The following GLI3 variants were observed in gnomAD, a reference collection of about 807,000 sequenced individuals.
The protein encoded by GLI3 is GLI family zinc finger 3.
A neutral mutation model predicts 100.8 loss-of-function variants in GLI3; 20 were observed. That is an observed-to-expected ratio of 0.20 (90% confidence interval 0.14 to 0.29). GLI3 has a LOEUF of 0.29. Among genes scored for constraint, GLI3 ranks in the 10% least tolerant of loss-of-function variants. GLI3 has a pLI of 1.00. For synonymous variants in GLI3, 938 were observed against 860.5 expected (o/e 1.09, Z -1.58); for missense variants, 2,040 against 2,128.5 (o/e 0.96, Z 0.82).
At chr7:42,131,002 T>C (rs1305009649) in intron 3 of GLI3, among the ~76,000 whole-genome samples, 1 of 152,218 alleles carries the variant, frequency 6.6e-6, no homozygotes, top group Non-Finnish European at 1.5e-5. Context: ...GGAAGCCTTT[T>C]AAGTTAGAAT....
intron 7 of GLI3, among the ~76,000 whole-genome samples, chr7:42,033,101 G>C (rs1182317958): frequency 6.6e-6 from 1 of 152,186 alleles, no homozygotes; most frequent in East Asian, 1.9e-4. Context: ...TGTGCACAGA[G>C]CTGGGCAGGT....
At chr7:42,241,939 T>G (rs79837446), upstream of GLI3, among the ~76,000 whole-genome samples, 156 of 152,302 alleles carry the variant, frequency 1.0e-3, 3 homozygotes, top group East Asian at 0.029. Flanking sequence ...TAGAGATGAT[T>G]TTCTGTATCC....
intron 1 of GLI3, among the ~76,000 whole-genome samples, chr7:42,228,153 C>G (rs959826717): frequency 1.3e-5 from 2 of 152,070 alleles, no homozygotes; most frequent in South Asian, 2.1e-4. Context: ...GTCGCCGCAT[C>G]CATCATCATT....
At chr7:42,113,921 C>T (rs1489811802) in intron 3 of GLI3, among the ~76,000 whole-genome samples, 1 of 152,146 alleles carries the variant, frequency 6.6e-6, no homozygotes, top group Non-Finnish European at 1.5e-5. Context: ...TCCACCTTGG[C>T]ACAAAAACCT....
chr7:42,096,813 G>T (rs1197288047), intron 3 of GLI3, among the ~76,000 whole-genome samples: 1 of 152,144 alleles, frequency 6.6e-6, no homozygotes, highest in African/African-American at 2.4e-5. Context: ...CCAAGGGCCT[G>T]GTGCCATCAA....
chr7:42,097,730 T>C (rs1289637233), intron 3 of GLI3, among the ~76,000 whole-genome samples: 1 of 152,186 alleles, frequency 6.6e-6, no homozygotes, highest in African/African-American at 2.4e-5. Context: ...CTGAAGTGAG[T>C]AAACGTGTAA....
At chr7:42,208,113 C>A (rs1352016271) in intron 2 of GLI3, among the ~76,000 whole-genome samples, 1 of 152,124 alleles carries the variant, frequency 6.6e-6, no homozygotes, top group Admixed American at 6.5e-5. Flanking sequence ...GAGCCGAGAT[C>A]GCACCACTGC....
chr7:42,263,667 C>G (rs1011642398), intron 1 of GLI3, among the ~76,000 whole-genome samples: 3 of 152,056 alleles, frequency 2.0e-5, no homozygotes, highest in African/African-American at 7.2e-5. Context: ...TGACTGGTCT[C>G]TTACTCCTGA....
intron 4 of GLI3, among the ~76,000 whole-genome samples, chr7:42,056,923 G>A (rs1005310524): frequency 9.9e-5 from 15 of 151,288 alleles, no homozygotes; most frequent in Non-Finnish European, 1.8e-4. Flanking sequence ...CGGAGGTTGT[G>A]GTGAGCTGAG....
At chr7:42,096,243 G>A (rs1275614558) in intron 3 of GLI3, among the ~76,000 whole-genome samples, 1 of 152,194 alleles carries the variant, frequency 6.6e-6, no homozygotes, top group Admixed American at 6.5e-5. Flanking sequence ...TGGAGCCACC[G>A]AAGTGGAGGA....
At chr7:41,994,873 C>T (rs2141172) in intron 10 of GLI3, among the ~76,000 whole-genome samples, 72,452 of 152,116 alleles carry the variant, frequency 0.48, 18,971 homozygotes, top group African/African-American at 0.72. Context: ...CAGGCACATG[C>T]CTGTGACATA....
At chr7:42,141,271 G>A (rs921432300) in intron 3 of GLI3, among the ~76,000 whole-genome samples, 2 of 152,198 alleles carry the variant, frequency 1.3e-5, no homozygotes, top group Non-Finnish European at 2.9e-5. Flanking sequence ...ATGCCAGATG[G>A]GTGTCATGGA....
intron 3 of GLI3, among the ~76,000 whole-genome samples, chr7:42,101,579 T>A (rs2128762062): frequency 1.3e-5 from 2 of 152,050 alleles, no homozygotes; most frequent in Admixed American, 1.3e-4. Flanking sequence ...GCAGTCCAGC[T>A]TGGGCGACAA....
intron 10 of GLI3, among the ~76,000 whole-genome samples, chr7:42,012,260 G>A (rs547775448): frequency 1.3e-5 from 2 of 152,076 alleles, no homozygotes; most frequent in East Asian, 1.9e-4. Context: ...ACAGAGAATC[G>A]ACAAGCAGGT....
intron 10 of GLI3, among the ~76,000 whole-genome samples, chr7:42,003,050 T>C (rs552688078): frequency 1.3e-5 from 2 of 152,224 alleles, no homozygotes; most frequent in Non-Finnish European, 2.9e-5. Flanking sequence ...TCTTTGACTG[T>C]TTCATTCACT....
chr7:41,991,120 T>C (rs1787975971), intron 10 of GLI3, among the ~76,000 whole-genome samples: 1 of 152,224 alleles, frequency 6.6e-6, no homozygotes, highest in Admixed American at 6.5e-5. Flanking sequence ...ATAAGACATG[T>C]CCATTGGATC....
At chr7:42,195,865 A>G (rs1035897861) in intron 2 of GLI3, among the ~76,000 whole-genome samples, 19 of 152,224 alleles carry the variant, frequency 1.2e-4, no homozygotes, top group African/African-American at 4.3e-4. Flanking sequence ...TTCCTCTGGC[A>G]GGATAGAAGG....
At chr7:42,107,823 G>A (rs1785611646) in intron 3 of GLI3, among the ~76,000 whole-genome samples, 4 of 152,210 alleles carry the variant, frequency 2.6e-5, no homozygotes, top group Admixed American at 1.3e-4. Flanking sequence ...TATCAGCAAC[G>A]CGACCTGTGT....
chr7:41,984,690 G>A (rs555273920), intron 10 of GLI3, among the ~76,000 whole-genome samples: 1 of 152,194 alleles, frequency 6.6e-6, no homozygotes, highest in Non-Finnish European at 1.5e-5. Flanking sequence ...AAAAACAGTG[G>A]AGGGGGGAAA....
Sources: allele counts gnomAD v4.1 joint callset (sites outside exome capture counted in the v4.1 genomes callset), GRCh38; gene constraint gnomAD v4.1.1; transcripts MANE v1.5; gene names NCBI Gene and HGNC (gene_info 2026-07-23, HGNC 2026-07-21).